EDARADD: variants seen among roughly 807,000 people sequenced by gnomAD.
EDARADD encodes EDAR associated via death domain, also known as ectodysplasin-A receptor-associated adapter protein.
A neutral mutation model predicts 25.6 loss-of-function variants in EDARADD; 20 were observed. That is an observed-to-expected ratio of 0.78 (90% CI 0.55 to 1.14). The LOEUF is 1.14. EDARADD is among the 50% of genes most tolerant of loss of function. The pLI is 0.00. For missense variants in EDARADD, 225 were observed against 270.1 expected, an observed-to-expected ratio of 0.83 and a Z score of 1.17; for synonymous variants, 86 against 94.4, an observed-to-expected ratio of 0.91 and a Z score of 0.52.
intron 2 of EDARADD, among the ~76,000 whole-genome samples, chr1:236,411,386 G>A (rs1341655600): frequency 6.6e-6 from 1 of 152,086 alleles, no homozygotes; most frequent in Non-Finnish European, 1.5e-5. Flanking sequence ...CTAGCTTGTA[G>A]TGGTTGCCAG....
At chr1:236,457,384 G>A (rs547764101) in intron 4 of EDARADD, among the ~76,000 whole-genome samples, 2 of 152,068 alleles carry the variant, frequency 1.3e-5, no homozygotes, top group Non-Finnish European at 2.9e-5. Flanking sequence ...GCATTGTGGT[G>A]CATGCCTGTA....
At chr1:236,405,753 CTT>C (rs1247074212) in intron 1 of EDARADD, among the ~76,000 whole-genome samples, 1 of 52,798 alleles carries the variant, frequency 1.9e-5, no homozygotes, top group Non-Finnish European at 4.3e-5. Context: ...TTCTTTCTTT[CTT>C]TCTTTCTTTC....
upstream of EDARADD, among the ~76,000 whole-genome samples, chr1:236,393,778 A>G (rs933327053): frequency 6.6e-6 from 1 of 152,174 alleles, no homozygotes; most frequent in Admixed American, 6.5e-5. Context: ...TGTGACAGCA[A>G]ATTGATTGTA....
chr1:236,395,699 C>A lies in EDARADD; in HGVS notation c.61+1194C>A. 1 of 1,538,286 alleles carries A rather than the reference C, an allele frequency of 6.5e-7. No individual in the cohort carries two copies. The highest frequency in any genetic ancestry group is 8.7e-7 in the Non-Finnish European group (1 of 1,147,304). ...GCGCCGCGCCCGCTCCTGGAGCGAG[C>A]ACCGCGGGGCGGGAGCTCGGGAGGC... On this transcript the variant is annotated intron_variant, in intron 1 of 5. Transcript: ENST00000334232. The surrounding 1 kb of genome is among the most constrained non-coding windows in gnomAD (Gnocchi z 6.9).
At chr1:236,411,368 T>C (rs962151872) in intron 2 of EDARADD, among the ~76,000 whole-genome samples, 3 of 152,118 alleles carry the variant, frequency 2.0e-5, no homozygotes, top group African/African-American at 7.2e-5. Context: ...AATCTTTCCT[T>C]GTCTCTTCTA....
chr1:236,359,745 C>T (rs602169), intron 3 of EDARADD, among the ~76,000 whole-genome samples: 52,828 of 151,954 alleles, frequency 0.35, 9,487 homozygotes, highest in African/African-American at 0.44. Flanking sequence ...ATGAGACTTA[C>T]TCACTATCAT....
intron 4 of EDARADD, among the ~76,000 whole-genome samples, chr1:236,459,410 C>G (rs1658978911): frequency 1.3e-5 from 2 of 152,098 alleles, no homozygotes; most frequent in Admixed American, 1.3e-4. Context: ...CCTGAGCATG[C>G]CTGGCCTCAA....
intron 5 of EDARADD, among the ~76,000 whole-genome samples, chr1:236,476,968 G>T (rs1464800840): frequency 6.6e-6 from 1 of 151,106 alleles, no homozygotes; most frequent in Admixed American, 6.6e-5. Context: ...CTCCAGCCTG[G>T]GCCATAGAGC....
intron 3 of EDARADD, among the ~76,000 whole-genome samples, chr1:236,367,513 GC>G (rs1453173615): frequency 6.6e-6 from 1 of 152,130 alleles, no homozygotes; most frequent in South Asian, 2.1e-4. Flanking sequence ...ACAGGCATGG[GC>G]CACCGCACCC....
chr1:236,456,102 TTA>T (rs1233826726), intron 4 of EDARADD, among the ~76,000 whole-genome samples: 14 of 151,728 alleles, frequency 9.2e-5, no homozygotes, highest in South Asian at 2.1e-4. Context: ...TGTTCCTTTT[TTA>T]AGAGTCTCAC....
chr1:236,351,602 C>T (rs543487426), intron 3 of EDARADD, among the ~76,000 whole-genome samples: 5 of 151,232 alleles, frequency 3.3e-5, no homozygotes, highest in Non-Finnish European at 7.4e-5. Context: ...CCCAGCTACT[C>T]GGGAGGCTGA....
chr1:236,348,365 G>A (rs1666876524), intron 1 of EDARADD: 1 of 152,382 alleles, frequency 6.6e-6, no homozygotes. Context: ...GCCTCCTTGG[G>A]GCTGGAGCTC....
At chr1:236,468,473 A>AAT (rs1044395908) in intron 5 of EDARADD, among the ~76,000 whole-genome samples, 197 bp downstream of exon 5, 3 of 152,038 alleles carry the variant, frequency 2.0e-5, no homozygotes, top group Non-Finnish European at 4.4e-5. Context: ...AAAATACAAA[A>AAT]ATTAGCTGGT....
At chr1:236,454,852 C>A (rs916071602) in intron 4 of EDARADD, among the ~76,000 whole-genome samples, 1 of 152,150 alleles carries the variant, frequency 6.6e-6, no homozygotes, top group African/African-American at 2.4e-5. Context: ...ACTCATCTGG[C>A]AGAATGGTAC....
At chr1:236,445,267 A>G (rs1150172) in intron 4 of EDARADD, among the ~76,000 whole-genome samples, 105,328 of 133,950 alleles carry the variant, frequency 0.79, 42,460 homozygotes, top group Non-Finnish European at 0.88. Context: ...TTGCTCTGTC[A>G]CCCAGGCTGG....
At chr1:236,461,195 C>A (rs983173079) in intron 4 of EDARADD, among the ~76,000 whole-genome samples, 6 of 152,158 alleles carry the variant, frequency 3.9e-5, no homozygotes, top group African/African-American at 1.4e-4. Flanking sequence ...CATTTAAAAT[C>A]ATATTTTCAA....
rs34922732 is a variant in EDARADD at position 236,421,489 on chromosome 1, C to CTTT, written c.161-5879_161-5877dup. Among the ~76,000 whole-genome samples, 31 of 75,446 alleles carry CTTT rather than the reference C, an allele frequency of 4.1e-4. 2 individuals carry two copies. The highest frequency in any genetic ancestry group is 6.9e-4 in the African/African-American group (15 of 21,674). The allele number at this position is 75,446 out of a possible 152,430, so 49.5% of individuals were successfully genotyped here. A position where few individuals can be genotyped will look rare whatever the true frequency, so the allele number is the denominator to read the frequency against. On this transcript the variant is annotated intron_variant, in intron 3 of 5. Coordinates refer to ENST00000334232, the MANE Select transcript of EDARADD (RefSeq NM_145861.4). ...TAGGCCATTCAAGACCTTCCCAGTT[C>CTTT]TTTTTTTTTTTTTTTTTTTTTTTTT...
chr1:236,387,263 G>A (rs1446517857), intron 3 of EDARADD, among the ~76,000 whole-genome samples: 5 of 18,990 alleles, frequency 2.6e-4, no homozygotes, highest in East Asian at 2.6e-3. Context: ...CTGCCCGGCC[G>A]CCCCTACTGG....
At position 236,478,843 on chromosome 1, in the gene EDARADD, C is replaced by T. The variant is rs145368175; in HGVS notation, c.266-3424C>T. 4.4e-3 allele frequency among the ~76,000 whole-genome samples: 675 copies of T among 152,316 alleles called. 5 individuals carry two copies. The highest frequency in any genetic ancestry group is 0.014 in the African/African-American group (599 of 41,566). On this transcript the variant is annotated intron_variant, in intron 5 of 5. Coordinates refer to ENST00000334232, the MANE Select transcript of EDARADD (RefSeq NM_145861.4). Reference sequence around the variant, plus strand: ...CCTCATGATCCACCCGCCTCGGCCTCCCAAAGTGCTGGGATTACAGGCGTG... The same window carrying T: ...CCTCATGATCCACCCGCCTCGGCCTTCCAAAGTGCTGGGATTACAGGCGTG...
Sources: gnomAD v4.1 joint callset for allele counts (sites outside exome capture counted in the v4.1 genomes callset) on GRCh38, gnomAD v4.1.1 for gene constraint, Gnocchi (gnomAD v3.1) non-coding constraint, MANE v1.5 for transcripts, NCBI Gene and HGNC (gene_info 2026-07-23, HGNC 2026-07-21) for gene names.